Variants in DGCR2 observed in about 807,000 individuals in gnomAD.
DGCR2 encodes the protein DiGeorge syndrome critical region gene 2.
A neutral mutation model predicts 51.6 loss-of-function variants in DGCR2; 24 were observed. The ratio of observed to expected loss-of-function variants is 0.47; its 90% CI spans 0.34 to 0.65. The LOEUF is 0.65. Among genes scored for constraint, DGCR2 ranks in the 30% least tolerant of loss-of-function variants. The probability of loss-of-function intolerance (pLI) is 0.01; values close to 1 mark genes in which losing one functional copy is unlikely to be tolerated. For synonymous variants in DGCR2, 340 were observed against 315.4 expected (o/e 1.08, Z -0.82); for missense variants, 765 against 772.1 (o/e 0.99, Z 0.11).
intron 6 of DGCR2, 113 bp downstream of exon 6, chr22:19,056,873 T>C: frequency 1.7e-6 from 2 of 1,206,888 alleles, no homozygotes; most frequent in Admixed American, 5.5e-5. Flanking sequence ...GTAAGGGGCG[T>C]CCACCGCAAC....
At chr22:19,089,230 A>AG in intron 2 of DGCR2, 138 bp downstream of exon 2, 2 of 978,432 alleles carry the variant, frequency 2.0e-6, no homozygotes, top group Non-Finnish European at 2.8e-6. Context: ...AAAGACAGAG[A>AG]GAGAGGAAGG....
intron 2 of DGCR2, among the ~76,000 whole-genome samples, chr22:19,083,706 C>CCTCTCCCCCTCT: frequency 9.4e-6 from 1 of 106,616 alleles, no homozygotes; most frequent in South Asian, 3.9e-4. Flanking sequence ...CCTCCCCCTC[C>CCTCTCCCCCTCT]CCCTCTCCCT....
intron 3 of DGCR2, among the ~76,000 whole-genome samples, chr22:19,065,397 T>C (rs1240578936): frequency 6.6e-6 from 1 of 152,222 alleles, no homozygotes; most frequent in Admixed American, 6.5e-5. Context: ...ACAACTCCCA[T>C]GCAGTTCACT....
chr22:19,100,293 C>T (rs1271989307), intron 1 of DGCR2, among the ~76,000 whole-genome samples: 6 of 151,928 alleles, frequency 3.9e-5, no homozygotes, highest in Non-Finnish European at 8.8e-5. Context: ...GAAAGTCACC[C>T]CTTTTCACTG....
chr22:19,104,368 C>T (rs562769838), intron 1 of DGCR2, among the ~76,000 whole-genome samples: 13 of 119,950 alleles, frequency 1.1e-4, no homozygotes, highest in African/African-American at 3.5e-4. Flanking sequence ...GTCAGCAAGC[C>T]TTAGCCTTGT....
chr22:19,046,726 C>CA (rs1434599925), intron 7 of DGCR2: 1 of 434,466 alleles, frequency 2.3e-6, no homozygotes, highest in Non-Finnish European at 4.7e-6. Flanking sequence ...GGCCACAGGG[C>CA]AGGCAGAGCA....
intron 2 of DGCR2, among the ~76,000 whole-genome samples, chr22:19,075,298 T>C (rs1412686678): frequency 6.6e-6 from 1 of 152,038 alleles, no homozygotes; most frequent in Non-Finnish European, 1.5e-5. Context: ...ATGGTGAAAA[T>C]TAGCCGGGCG....
At chr22:19,053,156 G>C (rs2082567209) in intron 6 of DGCR2, among the ~76,000 whole-genome samples, 1 of 152,210 alleles carries the variant, frequency 6.6e-6, no homozygotes, top group East Asian at 1.9e-4. Flanking sequence ...TAGGGCCCTG[G>C]TGAAAAGCCA....
At chr22:19,066,198 G>A (rs2082746528) in intron 3 of DGCR2, among the ~76,000 whole-genome samples, 1 of 152,184 alleles carries the variant, frequency 6.6e-6, no homozygotes, top group African/African-American at 2.4e-5. Context: ...TCAGGAGCTT[G>A]AGACCAGCCT....
chr22:19,041,881 G>A lies in DGCR2; in HGVS notation c.1085C>T (p.Ser362Leu). Residue 362 changes from serine (S) to leucine (L), a missense_variant, in exon 8 of 10, where the codon TCA becomes TTA. Ser to Leu is a moderately radical substitution (Grantham distance 145). Transcript: ENST00000263196. The part of the protein sequence containing the change: ...VSCISSFLIL[S>L]LLLFMVHRLR... ...CCGGTGGACCATGAAGAGCAGCAGT[G>A]ACAGGATGAGGAAGGAGGAGATGCA... The A allele has an allele frequency of 6.2e-7, 1 of 1,613,656 alleles. No individual in the cohort carries two copies.
chr22:19,065,078 G>C lies in DGCR2; in HGVS notation c.329-11C>G, dbSNP rs185035414. On this transcript the variant is annotated splice_polypyrimidine_tract_variant and intron_variant, in intron 3 of 9. Coordinates refer to ENST00000263196, the MANE Select transcript of DGCR2 (RefSeq NM_005137.3). ...ACTTCCCTAGGAAACATAAAGGACA[G>C]AAGGGGAGTTGTCCCCCAAGTTAGG... The C allele has an allele frequency of 4.2e-4, 672 of 1,612,392 alleles. No homozygotes were observed. The highest frequency in any genetic ancestry group is 8.8e-4 in the Admixed American group (53 of 59,936).
At position 19,038,905 on chromosome 22, in the gene DGCR2, C is replaced by A; in HGVS notation, c.1613G>T (p.Gly538Val). ...STPAAEALPG[G>V]GRHSRSSLNT... ...GAGGGAGCTGCGGCTGTGGCGGCCA[C>A]CCCCTGGCAGTGCCTCTGCAGCTGG... is the stretch of plus-strand genomic sequence containing the variant. Residue 538 changes from glycine to valine, a missense_variant, in exon 10 of 10, where the codon GGT (glycine) becomes GTT (valine). Coordinates refer to ENST00000263196, the MANE Select transcript of DGCR2 (RefSeq NM_005137.3). The A allele has an allele frequency of 6.2e-7, 1 of 1,612,744 alleles. No individual in the cohort carries two copies. Among genetic ancestry groups the A allele is most frequent in the South Asian group, 1.1e-5 (1 of 91,040 alleles).
chr22:19,049,473 A>G (rs1286358194), intron 6 of DGCR2, among the ~76,000 whole-genome samples: 1 of 152,126 alleles, frequency 6.6e-6, no homozygotes, highest in Non-Finnish European at 1.5e-5. Flanking sequence ...CAAATGGGGT[A>G]AGGATGTCTA....
chr22:19,067,692 C>CTAAATAAATAAATAAA (rs60372595), intron 3 of DGCR2, among the ~76,000 whole-genome samples: 2 of 149,930 alleles, frequency 1.3e-5, no homozygotes, highest in African/African-American at 4.9e-5. Context: ...GACTCCGTCT[C>CTAAATAAATAAATAAA]TAAATAAATA....
chr22:19,056,627 C>A (rs922942952), intron 6 of DGCR2: 4 of 379,140 alleles, frequency 1.1e-5, no homozygotes, highest in African/African-American at 8.6e-5. Flanking sequence ...AGAAGGATGG[C>A]AGAAATGGGG....
chr22:19,081,238 G>A (rs2082932891), intron 2 of DGCR2, among the ~76,000 whole-genome samples: 1 of 152,146 alleles, frequency 6.6e-6, no homozygotes, highest in Admixed American at 6.5e-5. Context: ...ACCCCATTTA[G>A]GAAATCAAGC....
intron 5 of DGCR2, among the ~76,000 whole-genome samples, chr22:19,062,671 G>T (rs1372243847): frequency 2.6e-5 from 4 of 151,876 alleles, no homozygotes; most frequent in Non-Finnish European, 5.9e-5. Context: ...AGCCAAGTCC[G>T]AGCCCAGGGA....
intron 5 of DGCR2, among the ~76,000 whole-genome samples, chr22:19,060,086 C>G (rs765176149): frequency 1.3e-5 from 2 of 152,224 alleles, no homozygotes; most frequent in Non-Finnish European, 2.9e-5. Flanking sequence ...TCTGTCTCCC[C>G]TCCAAGAACT....
At position 19,122,171 on chromosome 22, in the gene DGCR2, C is replaced by G; in HGVS notation, c.36G>C (p.Leu12=). The part of the protein sequence containing the change: ...VPKADSGAFL[L]LFLLVLTVTE... ...TGACAGTGAGCACGAGCAGGAAGAGCAGCAGGAAGGCGCCGCTGTCTGCCT... is the reference window on the plus strand; with the variant it reads ...TGACAGTGAGCACGAGCAGGAAGAGGAGCAGGAAGGCGCCGCTGTCTGCCT... The change falls in exon 1 of 10, where the codon CTG becomes CTC. Residue 12 remains leucine (L), a synonymous_variant. Coordinates refer to ENST00000263196, the MANE Select transcript of DGCR2 (RefSeq NM_005137.3). 1.3e-6 allele frequency: 2 copies of G among 1,513,650 alleles called. No homozygotes were observed. Among genetic ancestry groups the G allele is most frequent in the Non-Finnish European group, 1.8e-6 (2 of 1,130,746 alleles). 93.8% of individuals were successfully genotyped at this position (1,513,650 alleles called of 1,614,324 possible).
Sources: gnomAD v4.1 joint callset for allele counts (sites outside exome capture counted in the v4.1 genomes callset) on GRCh38, gnomAD v4.1.1 for gene constraint, MANE v1.5 for transcripts, NCBI Gene and HGNC (gene_info 2026-07-23, HGNC 2026-07-21) for gene names.